The following FOXN3 variants were observed in gnomAD, a reference collection of about 807,000 sequenced individuals.
The protein encoded by FOXN3 is forkhead box N3.
In FOXN3, 7 loss-of-function variants were observed where a neutral mutation model predicts 38.4. The observed-to-expected ratio is 0.18, with a 90% CI of 0.10 to 0.34. The LOEUF (loss-of-function observed/expected upper bound fraction) is 0.34. FOXN3 is among the 10% of genes least tolerant of loss of function. The pLI is 1.00. For missense variants in FOXN3, 456 were observed against 613.4 expected (o/e 0.74, Z 2.71); for synonymous variants, 230 against 242.2 (o/e 0.95, Z 0.47).
intron 1 of FOXN3, among the ~76,000 whole-genome samples, chr14:89,497,740 A>C (rs1438228594): frequency 6.6e-6 from 1 of 152,044 alleles, no homozygotes; most frequent in Non-Finnish European, 1.5e-5. Flanking sequence ...GCTTTCAGTT[A>C]TTTTGGGAAT....
At chr14:89,255,884 G>C (rs7144268) in intron 4 of FOXN3, among the ~76,000 whole-genome samples, 123,578 of 152,116 alleles carry the variant, frequency 0.81, 50,268 homozygotes, top group Non-Finnish European at 0.82. Context: ...CAGAGACCCT[G>C]CCATTACCCT....
intron 1 of FOXN3, among the ~76,000 whole-genome samples, chr14:89,587,680 C>G (rs182901669): frequency 6.6e-6 from 1 of 151,850 alleles, no homozygotes; most frequent in Non-Finnish European, 1.5e-5. Flanking sequence ...CCAGCCTGGA[C>G]GATATGGGGA....
At chr14:89,518,980 A>G (rs534898146) in intron 1 of FOXN3, among the ~76,000 whole-genome samples, 1 of 152,250 alleles carries the variant, frequency 6.6e-6, no homozygotes, top group South Asian at 2.1e-4. Context: ...ATACCACTGC[A>G]CTCTAGCCTG....
intron 1 of FOXN3, among the ~76,000 whole-genome samples, chr14:89,501,263 G>A (rs1194593186): frequency 6.6e-6 from 1 of 152,140 alleles, no homozygotes; most frequent in Non-Finnish European, 1.5e-5. Context: ...ATATTAGTGG[G>A]AACTTTTTGT....
At chr14:89,480,296 G>A (rs537248719) in intron 1 of FOXN3, among the ~76,000 whole-genome samples, 2 of 152,170 alleles carry the variant, frequency 1.3e-5, no homozygotes, top group African/African-American at 2.4e-5. Context: ...CCAGCTACTC[G>A]GGAGGCTGAA....
chr14:89,578,200 T>C (rs145081223), intron 1 of FOXN3, among the ~76,000 whole-genome samples: 4 of 152,212 alleles, frequency 2.6e-5, no homozygotes, highest in Admixed American at 1.3e-4. Flanking sequence ...AAGAAGAAAC[T>C]AACTCTCTTT....
chr14:89,271,631 C>A (rs1469817819), intron 4 of FOXN3, among the ~76,000 whole-genome samples: 1 of 152,154 alleles, frequency 6.6e-6, no homozygotes, highest in Non-Finnish European at 1.5e-5. Flanking sequence ...CTGTGTTAAT[C>A]TTTGAATGAC....
At chr14:89,455,295 G>T (rs1255178855) in intron 1 of FOXN3, among the ~76,000 whole-genome samples, 2 of 152,200 alleles carry the variant, frequency 1.3e-5, no homozygotes, top group African/African-American at 4.8e-5. Flanking sequence ...TTTGAGAAAA[G>T]CTCCGCTAGC....
upstream of FOXN3, among the ~76,000 whole-genome samples, chr14:89,418,632 C>T (rs1891823201): frequency 6.6e-6 from 1 of 152,054 alleles, no homozygotes. Context: ...TTGATGCGAC[C>T]TACCCAAAGT....
intron 4 of FOXN3, among the ~76,000 whole-genome samples, chr14:89,220,459 C>T (rs139165028): frequency 6.6e-6 from 1 of 152,290 alleles, no homozygotes; most frequent in East Asian, 1.9e-4. Flanking sequence ...ACAACTAAAG[C>T]ATCACCATTT....
chr14:89,438,197 A>G (rs1438633590), intron 1 of FOXN3, among the ~76,000 whole-genome samples: 1 of 152,264 alleles, frequency 6.6e-6, no homozygotes, highest in Non-Finnish European at 1.5e-5. Context: ...ACCATGAAAC[A>G]CTGAAGCTGA....
intron 4 of FOXN3, among the ~76,000 whole-genome samples, chr14:89,194,204 T>G (rs1293178171): frequency 6.6e-6 from 1 of 152,208 alleles, no homozygotes; most frequent in Admixed American, 6.5e-5. Flanking sequence ...ACCATTTTGT[T>G]CTTTTATAGC....
Position 89,450,716 on chromosome 14 carries a change from G to A in FOXN3, c.-14-38226C>T, listed in dbSNP as rs534191691. On this transcript the variant is annotated intron_variant, in intron 1 of 6. Coordinates refer to the FOXN3 transcript ENST00000345097. ...TTTTCCTGCCTCAGCCTCCCGGGTA[G>A]CTGGGACTACAGGTGCCCACAACCA... is the stretch of plus-strand genomic sequence containing the variant. Among the ~76,000 whole-genome samples the A allele has an allele frequency of 3.9e-5, 6 of 152,180 alleles. No individual in the cohort carries two copies. The South Asian group carries it at 1.2e-3, about 32-fold the overall frequency.
At chr14:89,540,636 G>A (rs1894774823) in intron 1 of FOXN3, among the ~76,000 whole-genome samples, 1 of 151,988 alleles carries the variant, frequency 6.6e-6, no homozygotes, top group Admixed American at 6.6e-5. Flanking sequence ...CTACTTGGGA[G>A]GCTGAGGCAG....
intron 4 of FOXN3, among the ~76,000 whole-genome samples, chr14:89,252,320 C>T (rs1352215566): frequency 3.3e-5 from 5 of 152,100 alleles, no homozygotes; most frequent in African/African-American, 1.2e-4. Context: ...TGCTGTTGGA[C>T]AGGGTGATCT....
intron 4 of FOXN3, among the ~76,000 whole-genome samples, chr14:89,216,353 T>C (rs1293404554): frequency 6.6e-6 from 1 of 152,140 alleles, no homozygotes; most frequent in Non-Finnish European, 1.5e-5. Context: ...CTGTAAGGCA[T>C]AGGTCAAAGG....
chr14:89,400,403 G>T (rs74078442), intron 2 of FOXN3, among the ~76,000 whole-genome samples: 4 of 152,288 alleles, frequency 2.6e-5, no homozygotes, highest in African/African-American at 7.2e-5. Context: ...CACAGAGCTT[G>T]AAACTCATAT....
At chr14:89,416,164 T>A (rs893918311) in intron 1 of FOXN3, among the ~76,000 whole-genome samples, 1 of 152,202 alleles carries the variant, frequency 6.6e-6, no homozygotes, top group Non-Finnish European at 1.5e-5. Flanking sequence ...TCTCGTCTAC[T>A]GTACTTGTCA....
Position 89,522,336 on chromosome 14 carries a change from T to G in FOXN3, c.-15+96692A>C, listed in dbSNP as rs115842306. ...TGAAAAAAGCTGAAAGAATTCATCA[T>G]CAGCAGACCTGCACTATAAGAAATG... On this transcript the variant is annotated intron_variant, in intron 1 of 6. Transcript: ENST00000345097. 7.9e-3 allele frequency among the ~76,000 whole-genome samples: 1,204 copies of G among 152,236 alleles called. 23 individuals are homozygous for G. The highest frequency in any genetic ancestry group is 0.028 in the African/African-American group (1,145 of 41,536).
Sources: allele counts gnomAD v4.1 joint callset (sites outside exome capture counted in the v4.1 genomes callset), GRCh38; gene constraint gnomAD v4.1.1; transcripts MANE v1.5; gene names NCBI Gene and HGNC (gene_info 2026-07-23, HGNC 2026-07-21).